The following ZNF649 variants were observed in gnomAD, a reference collection of about 807,000 sequenced individuals.
The protein encoded by ZNF649 is zinc finger protein 649.
In ZNF649, 7 loss-of-function variants were observed where a neutral mutation model predicts 14.1. That is an observed-to-expected ratio of 0.49 (90% confidence interval 0.28 to 0.93). ZNF649 has a LOEUF of 0.93. Ranked by LOEUF, ZNF649 falls within the 40% of genes least tolerant of loss-of-function variation. The pLI, the probability that ZNF649 is intolerant of heterozygous loss-of-function variation, is 0.10. For missense variants in ZNF649, 544 were observed against 608.1 expected, an observed-to-expected ratio of 0.89 and a Z score of 1.11; for synonymous variants, 227 against 212.3, an observed-to-expected ratio of 1.07 and a Z score of -0.60.
At position 51,897,038 on chromosome 19, in the gene ZNF649, A is replaced by G. The variant is rs74420881; in HGVS notation, c.16-60T>C. ...TTTTATTGACATGGAAGAAATATGA[A>G]GTTGTTCGGCCCATTTTCACCACAT... On this transcript the variant is annotated intron_variant, in intron 2 of 4. Coordinates refer to ENST00000354957, the MANE Select transcript of ZNF649 (RefSeq NM_023074.4). 1,487 of 1,607,444 alleles carry G rather than the reference A, an allele frequency of 9.3e-4. 11 individuals are homozygous for G. In the African/African-American group the frequency reaches 0.017, roughly 19 times the overall value.
intron 4 of ZNF649, among the ~76,000 whole-genome samples, chr19:51,895,013 T>C (rs2085051117): frequency 6.6e-6 from 1 of 152,222 alleles, no homozygotes; most frequent in African/African-American, 2.4e-5. Context: ...GCCTGGCTAA[T>C]CTGTCCTTCG....
chr19:51,899,958 G>T, intron 2 of ZNF649, 135 bp downstream of exon 2: 3 of 634,200 alleles, frequency 4.7e-6, no homozygotes, highest in Non-Finnish European at 7.5e-6. Context: ...CTGGATTAAA[G>T]GTACAGTCTA....
chr19:51,897,869 C>T (rs1233254526), intron 2 of ZNF649, among the ~76,000 whole-genome samples: 2 of 152,090 alleles, frequency 1.3e-5, no homozygotes, highest in African/African-American at 4.8e-5. Context: ...CGCCTGTAAA[C>T]CCAGCACTTT....
In ZNF649 at chr19:51,890,498, A is replaced by G; in HGVS notation, c.*120T>C. On this transcript the variant is annotated 3_prime_UTR_variant, in exon 5 of 5. Transcript: ENST00000354957. ...AGGTTTATAAGATATAAAAAAGTAA[A>G]ATATATTTCATATCTTGTAAACCCT... 1.5e-6 allele frequency: 1 copy of G among 648,474 alleles called. No individual in the cohort carries two copies. Among genetic ancestry groups the G allele is most frequent in the Non-Finnish European group, 2.6e-6 (1 of 383,378 alleles). The allele number at this position is 648,474 out of a possible 1,614,324, so 40.2% of individuals were successfully genotyped here.
chr19:51,896,915 G>A lies in ZNF649; in HGVS notation c.79C>T (p.Pro27Ser), dbSNP rs757435075. The A allele has an allele frequency of 5.0e-6, 8 of 1,614,130 alleles. No individual in the cohort carries two copies. The South Asian group carries it at 7.7e-5, about 16-fold the overall frequency. Residue 27 changes from proline (P) to serine (S), a missense_variant, in exon 3 of 5, where the codon CCT becomes TCT. Physicochemically the swap from Pro to Ser is moderately conservative, Grantham distance 74. Transcript: ENST00000354957. ...TCCCGGTACAGGTCCTTCTGAGCAG[G>A]GCTCAGGAACTGCCACTCCTCCCAG... ...FTWEEWQFLS[P>S]AQKDLYRDVM... is the part of the protein sequence containing the mutation.
At chr19:51,893,867 T>A (rs1021384926) in intron 4 of ZNF649, among the ~76,000 whole-genome samples, 1 of 152,194 alleles carries the variant, frequency 6.6e-6, no homozygotes, top group Non-Finnish European at 1.5e-5. Context: ...GCTTTACTTT[T>A]AGTTTTTCTT....
chr19:51,896,745 G>A, intron 3 of ZNF649, 107 bp downstream of exon 3: 1 of 1,608,008 alleles, frequency 6.2e-7, no homozygotes, highest in Non-Finnish European at 8.5e-7. Context: ...CGGGCCTGAG[G>A]ATCTGCCATT....
chr19:51,904,205 G>T (rs1296930226), intron 1 of ZNF649: 1 of 152,144 alleles, frequency 6.6e-6, no homozygotes. Flanking sequence ...TGATTCTGGG[G>T]GCTGCCCAAT....
At chr19:51,904,857 C>G (rs959026183) in intron 1 of ZNF649, 57 bp downstream of exon 1, 9 of 152,746 alleles carry the variant, frequency 5.9e-5, no homozygotes, top group African/African-American at 1.9e-4. Context: ...TCCCCACAGG[C>G]TCCTCAGAAG....
chr19:51,889,847 AAAC>A lies in ZNF649; in HGVS notation c.*768_*770del, dbSNP rs2085006014. Reference sequence around the variant, plus strand: ...AAGGAGAACAAAGAAGACATAGAATAAACAACAAATAGTAAGTTAGTAATTTAA... The same window carrying A: ...AAGGAGAACAAAGAAGACATAGAATAAACAAATAGTAAGTTAGTAATTTAA... On this transcript the variant is annotated 3_prime_UTR_variant, in exon 5 of 5. Coordinates refer to ENST00000354957, the MANE Select transcript of ZNF649 (RefSeq NM_023074.4). 6.6e-6 allele frequency: 1 copy of A among 152,244 alleles called. No homozygotes were observed. The highest frequency in any genetic ancestry group is 2.4e-5 in the African/African-American group (1 of 41,468). The allele number at this position is 152,244 out of a possible 1,614,324, so 9.4% of individuals were successfully genotyped here.
rs2085056512 is a variant in ZNF649, at chr19:51,895,626, G to C, written c.238+846C>G. Among the ~76,000 whole-genome samples the C allele has an allele frequency of 2.6e-5, 4 of 152,176 alleles. No homozygotes were observed. In the South Asian group the frequency reaches 8.3e-4, roughly 32 times the overall value. ...CAAAGTGCTGGGATTACAGGTGTGAGCCACCATGCCCGGCCTCCTATGCCT... is the reference window on the plus strand; with the variant it reads ...CAAAGTGCTGGGATTACAGGTGTGACCCACCATGCCCGGCCTCCTATGCCT... On this transcript the variant is annotated intron_variant, in intron 4 of 4. Coordinates refer to ENST00000354957, the MANE Select transcript of ZNF649 (RefSeq NM_023074.4).
chr19:51,893,456 C>T (rs531295449), intron 4 of ZNF649, among the ~76,000 whole-genome samples: 22 of 152,132 alleles, frequency 1.4e-4, no homozygotes, highest in African/African-American at 3.6e-4. Flanking sequence ...CTCAGATCTG[C>T]GAATCATCTT....
At chr19:51,897,464 T>G (rs1568456448) in intron 2 of ZNF649, among the ~76,000 whole-genome samples, 1 of 152,156 alleles carries the variant, frequency 6.6e-6, no homozygotes, top group Non-Finnish European at 1.5e-5. Context: ...CAGCACCTAC[T>G]TGCAACCCTA....
chr19:51,891,198 G>A lies in ZNF649; in HGVS notation c.938C>T (p.Thr313Ile). The A allele has an allele frequency of 6.2e-7, 1 of 1,614,218 alleles. No individual in the cohort carries two copies. The highest frequency in any genetic ancestry group is 8.5e-7 in the Non-Finnish European group (1 of 1,180,036). Residue 313 changes from threonine (T) to isoleucine (I), a missense_variant, in exon 5 of 5, where the codon ACA (threonine) becomes ATA (isoleucine). By Grantham distance (89) the Thr-to-Ile change is moderately conservative. Transcript: ENST00000354957. This position sits in a 1 kb window ranked among gnomAD's most constrained non-coding sequence, Gnocchi z 4.2. ...ACTGCATGTATGAGGCTTCTCTCCTGTATGAGTTCGCTGATGTACAACGAG... is the reference window on the plus strand; with the variant it reads ...ACTGCATGTATGAGGCTTCTCTCCTATATGAGTTCGCTGATGTACAACGAG... ...SLLVVHQRTH[T>I]GEKPHTCSEC...
Position 51,896,557 on chromosome 19 carries a change from G to A in ZNF649, c.153C>T (p.Ala51=), listed in dbSNP as rs138019190. 1.9e-4 allele frequency: 303 copies of A among 1,614,118 alleles called. 4 individuals carry two copies. The South Asian group carries it at 2.2e-3, about 12-fold the overall frequency. Residue 51 remains alanine (A), a synonymous_variant, in exon 4 of 5, where the codon GCC becomes GCT. Coordinates refer to ENST00000354957, the MANE Select transcript of ZNF649 (RefSeq NM_023074.4). ...ACTTGGTGAGGGCATCAGGTTTGCC[G>A]GCTTGATACCCTGTTTGTGGGAAAT... ...YSNLVSVGYQ[A]GKPDALTKLE...
intron 1 of ZNF649, among the ~76,000 whole-genome samples, chr19:51,903,854 A>G (rs969400031): frequency 5.3e-5 from 8 of 152,072 alleles, no homozygotes; most frequent in Non-Finnish European, 1.0e-4. Context: ...CAAATGCTCA[A>G]GGAGACTGAT....
chr19:51,892,371 T>C (rs1408313907), intron 4 of ZNF649, among the ~76,000 whole-genome samples: 1 of 142,808 alleles, frequency 7.0e-6, no homozygotes, highest in African/African-American at 2.7e-5. Flanking sequence ...CAAGACTCCA[T>C]CTCAAAAAAA....
rs773766078 is a variant in ZNF649 at position 51,891,545 on chromosome 19, C to G, written c.591G>C (p.Lys197Asn). ...FLKKSQLTEH[K>N]RIHTGKKPHV... ...GGGGTTTCTTTCCTGTATGAATTCTCTTATGCTCAGTGAGCTGAGACTTCT... is the reference window on the plus strand; with the variant it reads ...GGGGTTTCTTTCCTGTATGAATTCTGTTATGCTCAGTGAGCTGAGACTTCT... The change falls in exon 5 of 5, where the codon AAG (lysine) becomes AAC (asparagine). Residue 197 changes from lysine (K) to asparagine (N), a missense_variant. Transcript: ENST00000354957. The surrounding 1 kb of genome is among the most constrained non-coding windows in gnomAD (Gnocchi z 4.2). 1.1e-5 allele frequency: 17 copies of G among 1,614,206 alleles called. No individual in the cohort carries two copies. Among genetic ancestry groups the G allele is most frequent in the Non-Finnish European group, 1.4e-5 (16 of 1,180,032 alleles).
At chr19:51,893,381 CAA>C (rs202194096) in intron 4 of ZNF649, among the ~76,000 whole-genome samples, 13 of 137,130 alleles carry the variant, frequency 9.5e-5, no homozygotes, top group South Asian at 2.4e-4. Context: ...TCCTGCAAGG[CAA>C]AAAAAAAAAA....
Sources: allele counts gnomAD v4.1 joint callset (sites outside exome capture counted in the v4.1 genomes callset), GRCh38; gene constraint gnomAD v4.1.1; non-coding constraint Gnocchi (gnomAD v3.1); transcripts MANE v1.5; gene names NCBI Gene and HGNC (gene_info 2026-07-23, HGNC 2026-07-21).